The following SLC22A3 variants were observed in gnomAD, a reference collection of about 807,000 sequenced individuals.
SLC22A3 encodes the protein EMT organic cation transporter 3.
Under a neutral mutation model 59.1 loss-of-function variants are expected in SLC22A3, and 51 were observed. The observed-to-expected ratio is 0.86, with a 90% CI of 0.69 to 1.09. The LOEUF is 1.09. Ranked by LOEUF, SLC22A3 falls within the 50% of genes least tolerant of loss-of-function variation. SLC22A3 has a pLI of 0.00. For synonymous variants in SLC22A3, 325 were observed against 292.0 expected, an observed-to-expected ratio of 1.11 and a Z score of -1.15; for missense variants, 711 against 726.3, an observed-to-expected ratio of 0.98 and a Z score of 0.24.
intron 5 of SLC22A3, among the ~76,000 whole-genome samples, chr6:160,411,291 A>T (rs898491245): frequency 6.6e-6 from 1 of 152,110 alleles, no homozygotes; most frequent in African/African-American, 2.4e-5. Flanking sequence ...CCTGAAAAAA[A>T]ATCTGTTTAT....
At position 160,397,319 on chromosome 6, in the gene SLC22A3, A is replaced by G. The variant is rs1702907; in HGVS notation, c.430-660A>G. Among the ~76,000 whole-genome samples, 796 of 152,162 alleles carry G rather than the reference A, an allele frequency of 5.2e-3. 12 individuals are homozygous for G. In the East Asian group the frequency reaches 0.062, roughly 12 times the overall value. ...AGCTGACAGGAGGCAGAGCTCAGGC[A>G]GTAATGCTCGTGGCCCACTACTGCT... is the stretch of plus-strand genomic sequence containing the variant. On this transcript the variant is annotated intron_variant, in intron 1 of 10. Coordinates refer to ENST00000275300, the MANE Select transcript of SLC22A3 (RefSeq NM_021977.4).
rs184812368 is a variant in SLC22A3 at position 160,437,801 on chromosome 6, C to A, written c.1288+590C>A. On this transcript the variant is annotated intron_variant, in intron 7 of 10. Coordinates refer to ENST00000275300, the MANE Select transcript of SLC22A3 (RefSeq NM_021977.4). Reference sequence around the variant, plus strand: ...TTCCCAGCAGTGGGAACTAAACATGCGTGAAGACTCAAATGTGCCAGATAT... The same window carrying A: ...TTCCCAGCAGTGGGAACTAAACATGAGTGAAGACTCAAATGTGCCAGATAT... 1.6e-4 allele frequency among the ~76,000 whole-genome samples: 24 copies of A among 152,250 alleles called. No individual in the cohort carries two copies. In the Middle Eastern group the frequency reaches 0.017, roughly 108 times the overall value.
chr6:160,377,922 G>C (rs185701915), intron 1 of SLC22A3, among the ~76,000 whole-genome samples: 25 of 152,176 alleles, frequency 1.6e-4, no homozygotes, highest in Admixed American at 1.3e-3. Flanking sequence ...TTGTGAAATT[G>C]GTTTATTTAG....
intron 1 of SLC22A3, among the ~76,000 whole-genome samples, chr6:160,363,418 T>C (rs1785091313): frequency 6.6e-6 from 1 of 151,996 alleles, no homozygotes; most frequent in Non-Finnish European, 1.5e-5. Context: ...GGCTAGAGCT[T>C]CTCCCAGGTG....
intron 5 of SLC22A3, among the ~76,000 whole-genome samples, chr6:160,431,491 T>C (rs144633444): frequency 2.9e-4 from 44 of 152,340 alleles, no homozygotes; most frequent in Non-Finnish European, 5.6e-4. Flanking sequence ...GGAAGTACTC[T>C]TAATCCTTTC....
At chr6:160,380,863 T>C (rs1479219382) in intron 1 of SLC22A3, among the ~76,000 whole-genome samples, 1 of 152,198 alleles carries the variant, frequency 6.6e-6, no homozygotes, top group East Asian at 1.9e-4. Context: ...TTGGGACTTT[T>C]CTAGAAAATT....
intron 1 of SLC22A3, among the ~76,000 whole-genome samples, chr6:160,394,395 G>A (rs1044229877): frequency 2.0e-5 from 3 of 152,118 alleles, no homozygotes; most frequent in Non-Finnish European, 4.4e-5. Flanking sequence ...AAGATACATC[G>A]CAGGCCCAGA....
Position 160,348,814 on chromosome 6 carries a change from G to A in SLC22A3, c.395G>A (p.Arg132His), listed in dbSNP as rs1460382538. The A allele has an allele frequency of 1.3e-6, 2 of 1,580,944 alleles. No individual in the cohort carries two copies. Among genetic ancestry groups the A allele is most frequent in the East Asian group, 2.3e-5 (1 of 43,828 alleles). ...APLVPCRGGW[R>H]YAQAHSTIVS... is the part of the protein sequence containing the mutation. The stretch of plus-strand genomic sequence containing the variant: ...CTTGTGCCGTGCCGCGGCGGCTGGC[G>A]CTACGCCCAGGCCCACTCCACCATC... Residue 132 changes from arginine to histidine, a missense_variant, in exon 1 of 11, where the codon CGC (arginine) becomes CAC (histidine). Physicochemically the swap from Arg to His is conservative, Grantham distance 29. Coordinates refer to ENST00000275300, the MANE Select transcript of SLC22A3 (RefSeq NM_021977.4).
intron 2 of SLC22A3, among the ~76,000 whole-genome samples, chr6:160,406,057 C>T (rs1023130538): frequency 6.6e-6 from 1 of 152,066 alleles, no homozygotes; most frequent in Admixed American, 6.6e-5. Flanking sequence ...AGAGTGAACC[C>T]AAATGTAAAC....
intron 5 of SLC22A3, among the ~76,000 whole-genome samples, chr6:160,436,183 T>TG (rs939725386): frequency 5.9e-5 from 9 of 152,134 alleles, no homozygotes; most frequent in African/African-American, 2.2e-4. Flanking sequence ...ATGTGGGGAT[T>TG]GGGGGGTGTC....
chr6:160,408,218 T>C (rs1787099450), intron 3 of SLC22A3, among the ~76,000 whole-genome samples: 2 of 152,218 alleles, frequency 1.3e-5, no homozygotes, highest in African/African-American at 4.8e-5. Flanking sequence ...ATGTGATTTT[T>C]AGAGCATATC....
intron 5 of SLC22A3, among the ~76,000 whole-genome samples, chr6:160,428,256 G>A (rs1788035618): frequency 2.0e-5 from 3 of 152,194 alleles, no homozygotes; most frequent in Admixed American, 6.5e-5. Context: ...CCCATTTGCT[G>A]TTCTGGGCAG....
chr6:160,408,847 C>G lies in SLC22A3; in HGVS notation c.783C>G (p.Ala261=). 8 of 1,613,754 alleles carry G rather than the reference C, an allele frequency of 5.0e-6. No homozygotes were observed. Among genetic ancestry groups the G allele is most frequent in the Non-Finnish European group, 5.9e-6 (7 of 1,179,814 alleles). ...TLGIIILPGI[A]YFIPNWQGIQ... is the part of the protein sequence containing the mutation. The stretch of plus-strand genomic sequence containing the variant: ...GAATCATAATTCTCCCTGGAATTGC[C>G]TACTTCATCCCCAACTGGCAAGGAA... The change falls in exon 4 of 11, where the codon GCC becomes GCG. Residue 261 remains alanine, a synonymous_variant. Coordinates refer to ENST00000275300, the MANE Select transcript of SLC22A3 (RefSeq NM_021977.4).
chr6:160,348,962 C>T (rs1267417378), intron 1 of SLC22A3, 114 bp downstream of exon 1: 9 of 1,524,666 alleles, frequency 5.9e-6, no homozygotes, highest in East Asian at 4.9e-5. Context: ...AGACGGGGAC[C>T]GGTCGGCTAC....
At chr6:160,419,775 C>T (rs942294524) in intron 5 of SLC22A3, among the ~76,000 whole-genome samples, 11 of 152,168 alleles carry the variant, frequency 7.2e-5, no homozygotes, top group Non-Finnish European at 1.6e-4. Flanking sequence ...TACCATCACA[C>T]TCACTTTGAC....
chr6:160,366,958 T>C (rs1231125766), intron 1 of SLC22A3, among the ~76,000 whole-genome samples: 1 of 152,210 alleles, frequency 6.6e-6, no homozygotes, highest in Non-Finnish European at 1.5e-5. Flanking sequence ...CATTTTCCTG[T>C]CTTCTTCTGA....
chr6:160,439,347 A>AAATATT (rs1437236889), intron 7 of SLC22A3, among the ~76,000 whole-genome samples: 2 of 152,216 alleles, frequency 1.3e-5, no homozygotes, highest in Non-Finnish European at 2.9e-5. Flanking sequence ...GGAATGAATG[A>AAATATT]AATATTCATT....
chr6:160,368,044 T>C (rs1013223399), intron 1 of SLC22A3, among the ~76,000 whole-genome samples: 3 of 151,980 alleles, frequency 2.0e-5, no homozygotes, highest in Non-Finnish European at 4.4e-5. Flanking sequence ...CCTCTCTAGT[T>C]CCCGGTGTCC....
At chr6:160,442,710 T>C in intron 7 of SLC22A3, 51 bp from the exon 8 acceptor site, 3 of 1,334,050 alleles carry the variant, frequency 2.2e-6, no homozygotes, top group Non-Finnish European at 3.2e-6. Context: ...TGTAAAATGT[T>C]AATGAAATCA....
Sources: gnomAD v4.1 joint callset for allele counts (sites outside exome capture counted in the v4.1 genomes callset) on GRCh38, gnomAD v4.1.1 for gene constraint, MANE v1.5 for transcripts, NCBI Gene and HGNC (gene_info 2026-07-23, HGNC 2026-07-21) for gene names.